The following TLK1 variants were observed in gnomAD, a reference collection of about 807,000 sequenced individuals.
TLK1 encodes tousled like kinase 1.
TLK1 carries 24 observed loss-of-function variants against 105.3 expected under a neutral mutation model. The ratio of observed to expected loss-of-function variants is 0.23; its 90% CI spans 0.17 to 0.32. The LOEUF is 0.32. Ranked by LOEUF, TLK1 falls within the 10% of genes least tolerant of loss-of-function variation. The pLI is 1.00. For missense variants in TLK1, 558 were observed against 910.5 expected (o/e 0.61, Z 4.98); for synonymous variants, 321 against 310.4 (o/e 1.03, Z -0.36).
chr2:171,143,743 T>C (rs907057927), intron 1 of TLK1, among the ~76,000 whole-genome samples: 2 of 151,902 alleles, frequency 1.3e-5, no homozygotes, highest in African/African-American at 4.8e-5. Context: ...CACTGGGAAA[T>C]ACTCATGTAA....
chr2:171,026,683 T>C (rs1045188943), intron 12 of TLK1, among the ~76,000 whole-genome samples: 1 of 152,170 alleles, frequency 6.6e-6, no homozygotes, highest in Non-Finnish European at 1.5e-5. Flanking sequence ...AATCTTTATA[T>C]GAGACATAAA....
chr2:171,107,303 GAC>G (rs1344533655), intron 2 of TLK1, among the ~76,000 whole-genome samples: 1 of 152,168 alleles, frequency 6.6e-6, no homozygotes, highest in Non-Finnish European at 1.5e-5. Context: ...GTCCATTTTA[GAC>G]ACATTTCTCT....
chr2:171,209,356 T>A (rs1338741363), intron 1 of TLK1, among the ~76,000 whole-genome samples: 1 of 152,170 alleles, frequency 6.6e-6, no homozygotes, highest in Non-Finnish European at 1.5e-5. Context: ...TAAGTTTAAG[T>A]TAGGACTGCT....
chr2:171,014,663 T>G (rs1685087457), intron 13 of TLK1, among the ~76,000 whole-genome samples, 188 bp downstream of exon 13: 1 of 152,122 alleles, frequency 6.6e-6, no homozygotes, highest in East Asian at 1.9e-4. Flanking sequence ...TTGACATGTT[T>G]AAGAGAAGTG....
At chr2:171,163,940 G>C (rs1399346088), upstream of TLK1, among the ~76,000 whole-genome samples, 1 of 152,076 alleles carries the variant, frequency 6.6e-6, no homozygotes, top group Non-Finnish European at 1.5e-5. Flanking sequence ...TGCCCAGGGT[G>C]GTCTCAAACT....
chr2:170,993,686 A>T lies in TLK1; in HGVS notation c.*94T>A. On this transcript the variant is annotated 3_prime_UTR_variant, in exon 21 of 21. Coordinates refer to ENST00000431350, the MANE Select transcript of TLK1 (RefSeq NM_012290.5). ...TCTTGTGTAAAAAAAAAAAAAAAAA[A>T]AAAAGAAAAAGAAAACAAACACTCA... 2.0e-6 allele frequency: 2 copies of T among 1,001,072 alleles called. No homozygotes were observed. Among genetic ancestry groups the T allele is most frequent in the South Asian group, 6.0e-5 (2 of 33,340 alleles). The allele number at this position is 1,001,072 out of a possible 1,614,324, so 62.0% of individuals were successfully genotyped here.
chr2:171,226,217 C>A (rs534905281), intron 1 of TLK1, among the ~76,000 whole-genome samples: 1 of 152,148 alleles, frequency 6.6e-6, no homozygotes, highest in Admixed American at 6.5e-5. Flanking sequence ...CATAATCTAA[C>A]CTATTCTGAC....
At chr2:171,010,281 T>C (rs1684849134) in intron 14 of TLK1, among the ~76,000 whole-genome samples, 1 of 152,070 alleles carries the variant, frequency 6.6e-6, no homozygotes, top group Non-Finnish European at 1.5e-5. Context: ...TTTTTTCACT[T>C]GAGGGACCAG....
intron 1 of TLK1, among the ~76,000 whole-genome samples, chr2:171,137,792 T>G (rs920156253): frequency 6.6e-6 from 1 of 151,442 alleles, no homozygotes; most frequent in Non-Finnish European, 1.5e-5. Flanking sequence ...AAGGTTGCAG[T>G]GAGCTGAGAT....
At chr2:170,998,531 C>T (rs1684192416) in intron 18 of TLK1, among the ~76,000 whole-genome samples, 1 of 152,120 alleles carries the variant, frequency 6.6e-6, no homozygotes, top group Admixed American at 6.6e-5. Flanking sequence ...ATCTTTTCTT[C>T]TTCAAGACCC....
intron 2 of TLK1, among the ~76,000 whole-genome samples, chr2:171,113,228 G>A (rs1012519855): frequency 6.6e-6 from 1 of 151,012 alleles, no homozygotes; most frequent in African/African-American, 2.4e-5. Flanking sequence ...ACATTTCAGA[G>A]ACAAACCTAC....
upstream of TLK1, among the ~76,000 whole-genome samples, chr2:171,164,126 GT>G (rs1575642852): frequency 6.6e-6 from 1 of 152,084 alleles, no homozygotes; most frequent in East Asian, 1.9e-4. Flanking sequence ...TTATATTTTT[GT>G]TGTGGATACT....
At position 171,035,088 on chromosome 2, in the gene TLK1, C is replaced by A. The variant is rs1453961505; in HGVS notation, c.1170-6683G>T. Among the ~76,000 whole-genome samples the A allele has an allele frequency of 2.0e-5, 3 of 152,080 alleles. No homozygotes were observed. The East Asian group carries it at 5.8e-4, about 29-fold the overall frequency. ...GGGCTTGGTGGCTCATGCCCGTAAT[C>A]CCAGCACTTTGGGAAGCCGAGGAGG... On this transcript the variant is annotated intron_variant, in intron 11 of 20. Coordinates refer to ENST00000431350, the MANE Select transcript of TLK1 (RefSeq NM_012290.5).
intron 7 of TLK1, chr2:171,054,345 A>T (rs952139414): frequency 7.9e-5 from 12 of 152,342 alleles, no homozygotes; most frequent in African/African-American, 2.9e-4. Flanking sequence ...TGTAGCCCCT[A>T]TGATGTATAA....
At chr2:171,037,728 A>G (rs1686440482) in intron 11 of TLK1, among the ~76,000 whole-genome samples, 1 of 152,178 alleles carries the variant, frequency 6.6e-6, no homozygotes, top group African/African-American at 2.4e-5. Context: ...TTCATAAATT[A>G]GCATTTTTAT....
intron 18 of TLK1, among the ~76,000 whole-genome samples, chr2:171,003,269 G>T: frequency 1.7e-5 from 1 of 58,106 alleles, no homozygotes; most frequent in South Asian, 6.1e-4. Context: ...GCAAGACTCC[G>T]TCTCAAAAAA....
At chr2:171,048,179 C>A (rs988248742) in intron 10 of TLK1, among the ~76,000 whole-genome samples, 1 of 151,764 alleles carries the variant, frequency 6.6e-6, no homozygotes, top group African/African-American at 2.4e-5. Flanking sequence ...AAACTCTCAA[C>A]CTCAGGTGAT....
intron 12 of TLK1, among the ~76,000 whole-genome samples, chr2:171,028,105 C>T (rs1685863435): frequency 6.6e-6 from 1 of 152,106 alleles, no homozygotes; most frequent in African/African-American, 2.4e-5. Context: ...GGAGGTTGCA[C>T]TGAGCTTAGA....
chr2:171,164,599 T>C (rs1478521223), upstream of TLK1, among the ~76,000 whole-genome samples: 1 of 152,226 alleles, frequency 6.6e-6, no homozygotes, highest in East Asian at 1.9e-4. Context: ...CCAAATTTTG[T>C]AAAACAAATC....
Sources: allele counts gnomAD v4.1 joint callset (sites outside exome capture counted in the v4.1 genomes callset), GRCh38; gene constraint gnomAD v4.1.1; transcripts MANE v1.5; gene names NCBI Gene and HGNC (gene_info 2026-07-23, HGNC 2026-07-21).